The following PPP1R13B variants were observed in gnomAD, a reference collection of about 807,000 sequenced individuals.
PPP1R13B encodes the protein protein phosphatase 1 regulatory subunit 13B.
A neutral mutation model predicts 119.8 loss-of-function variants in PPP1R13B; 44 were observed. The observed-to-expected ratio is 0.37, with a 90% CI of 0.29 to 0.47. The LOEUF (loss-of-function observed/expected upper bound fraction) is 0.47. Ranked by LOEUF, PPP1R13B falls within the 20% of genes least tolerant of loss-of-function variation. The pLI is 0.99. For missense variants in PPP1R13B, 1,227 were observed against 1,413.5 expected (o/e 0.87, Z 2.12); for synonymous variants, 542 against 561.5 (o/e 0.97, Z 0.49).
intron 4 of PPP1R13B, among the ~76,000 whole-genome samples, chr14:103,774,796 C>A (rs998518474): frequency 6.6e-6 from 1 of 152,102 alleles, no homozygotes; most frequent in Non-Finnish European, 1.5e-5. Context: ...TTAAAATGCA[C>A]GTAAAACCGC....
At position 103,734,290 on chromosome 14, in the gene PPP1R13B, TG is replaced by T; in HGVS notation, c.*863del. ...CAGGCACCAAACAGCCCCGTCTACC[TG>T]GCCCTGGTCTGCCCTCACACCAGTC... is the stretch of plus-strand genomic sequence containing the variant. On this transcript the variant is annotated 3_prime_UTR_variant, in exon 17 of 17. Coordinates refer to ENST00000202556, the MANE Select transcript of PPP1R13B (RefSeq NM_015316.3). The T allele has an allele frequency of 3.0e-6, 1 of 334,684 alleles. No individual in the cohort carries two copies. Among genetic ancestry groups the T allele is most frequent in the Non-Finnish European group, 6.0e-6 (1 of 167,158 alleles). 20.7% of individuals were successfully genotyped at this position (334,684 alleles called of 1,614,324 possible).
chr14:103,824,475 C>G (rs892527146), intron 1 of PPP1R13B, among the ~76,000 whole-genome samples: 2 of 151,350 alleles, frequency 1.3e-5, no homozygotes, highest in Non-Finnish European at 2.9e-5. Context: ...GTGGGCGGAT[C>G]ACGAGGTCAG....
At chr14:103,791,124 C>CTT (rs74264751) in intron 2 of PPP1R13B, among the ~76,000 whole-genome samples, 3 of 145,054 alleles carry the variant, frequency 2.1e-5, no homozygotes, top group Admixed American at 1.4e-4. Flanking sequence ...CTTTTTTCTT[C>CTT]TTTTTTTTTT....
intron 2 of PPP1R13B, among the ~76,000 whole-genome samples, chr14:103,789,462 C>CACCT (rs1231084389): frequency 6.6e-6 from 1 of 152,070 alleles, no homozygotes; most frequent in Non-Finnish European, 1.5e-5. Context: ...GTGATCTCCC[C>CACCT]ACCTCAGCCT....
At chr14:103,749,483 C>A (rs936107985) in intron 8 of PPP1R13B, among the ~76,000 whole-genome samples, 1 of 152,082 alleles carries the variant, frequency 6.6e-6, no homozygotes, top group African/African-American at 2.4e-5. Flanking sequence ...GAGTGCGGAC[C>A]GTGACAGATG....
intron 1 of PPP1R13B, among the ~76,000 whole-genome samples, chr14:103,801,208 G>A (rs372759568): frequency 6.6e-6 from 1 of 152,092 alleles, no homozygotes; most frequent in East Asian, 1.9e-4. Flanking sequence ...ATATTTAAGA[G>A]CTCCCCACTG....
chr14:103,826,262 A>G (rs1173946077), intron 1 of PPP1R13B, among the ~76,000 whole-genome samples: 1 of 152,194 alleles, frequency 6.6e-6, no homozygotes, highest in Admixed American at 6.5e-5. Flanking sequence ...GTAGTCTGGA[A>G]CCAAACTCGC....
intron 4 of PPP1R13B, among the ~76,000 whole-genome samples, chr14:103,769,668 T>C (rs1376378898): frequency 1.3e-5 from 2 of 152,242 alleles, no homozygotes; most frequent in Middle Eastern, 3.2e-3. Flanking sequence ...TCACGTAATA[T>C]TCATCAGTAT....
At position 103,733,802 on chromosome 14, in the gene PPP1R13B, T is replaced by A. The variant is rs1876798175; in HGVS notation, c.*1352A>T. The A allele has an allele frequency of 6.6e-6, 1 of 152,336 alleles. No homozygotes were observed. The highest frequency in any genetic ancestry group is 2.4e-5 in the African/African-American group (1 of 41,450). The allele number at this position is 152,336 out of a possible 1,614,324, so 9.4% of individuals were successfully genotyped here. A position where few individuals can be genotyped will look rare whatever the true frequency, so the allele number is the denominator to read the frequency against. On this transcript the variant is annotated 3_prime_UTR_variant, in exon 17 of 17. Transcript: ENST00000202556. ...ACATTTACACAGCGTCAGCAGCGTC[T>A]GGGCTGGCAGCGGCCATGCTCCTGT...
At position 103,797,458 on chromosome 14, in the gene PPP1R13B, G is replaced by T; in HGVS notation, c.70C>A (p.Pro24Thr). ...EQILTEVPIT[P>T]ETTCRDVVEF... Reference sequence around the variant, plus strand: ...ACAACATCTCGACAGGTTGTTTCCGGTGTTATAGGAACTTCTGTTAAAATC... The same window carrying T: ...ACAACATCTCGACAGGTTGTTTCCGTTGTTATAGGAACTTCTGTTAAAATC... The change falls in exon 2 of 17, where the codon CCG becomes ACG. Residue 24 changes from proline to threonine, a missense_variant. Pro to Thr is a conservative substitution (Grantham distance 38). Transcript: ENST00000202556. 2 of 1,613,744 alleles carry T rather than the reference G, an allele frequency of 1.2e-6. No homozygotes were observed. The highest frequency in any genetic ancestry group is 1.7e-6 in the Non-Finnish European group (2 of 1,179,726).
chr14:103,817,658 T>G (rs771677135), intron 1 of PPP1R13B, among the ~76,000 whole-genome samples: 34 of 152,126 alleles, frequency 2.2e-4, no homozygotes, highest in Non-Finnish European at 3.1e-4. Context: ...CTTTTACCAT[T>G]TATTAATAAT....
chr14:103,836,190 C>T lies in PPP1R13B; in HGVS notation c.9+11109G>A, dbSNP rs147459288. ...CCTCCCAAATAGCTGAGATTACAGG[C>T]GCCCGCCACCACACCTGGCTGATTT... On this transcript the variant is annotated intron_variant, in intron 1 of 16. Transcript: ENST00000202556. Among the ~76,000 whole-genome samples, 1,093 of 151,896 alleles carry T rather than the reference C, an allele frequency of 7.2e-3. 16 individuals are homozygous for T. Among genetic ancestry groups the T allele is most frequent in the African/African-American group, 0.024 (1,006 of 41,428 alleles).
At position 103,734,380 on chromosome 14, in the gene PPP1R13B, G is replaced by A; in HGVS notation, c.*774C>T. 3 of 389,828 alleles carry A rather than the reference G, an allele frequency of 7.7e-6. No homozygotes were observed. In the Admixed American group the frequency reaches 8.3e-5, roughly 11 times the overall value. The allele number at this position is 389,828 out of a possible 1,614,324, so 24.1% of individuals were successfully genotyped here. A position where few individuals can be genotyped will look rare whatever the true frequency, so the allele number is the denominator to read the frequency against. The stretch of plus-strand genomic sequence containing the variant: ...GGCCTCCAGCACCTGACTCCATTCA[G>A]GGAACTGAATTTGAGCTTGCAGGGG... On this transcript the variant is annotated 3_prime_UTR_variant, in exon 17 of 17. Coordinates refer to ENST00000202556, the MANE Select transcript of PPP1R13B (RefSeq NM_015316.3).
At chr14:103,755,244 C>T (rs1409155007) in intron 5 of PPP1R13B, among the ~76,000 whole-genome samples, 1 of 152,186 alleles carries the variant, frequency 6.6e-6, no homozygotes, top group East Asian at 1.9e-4. Context: ...ACATTTCCTG[C>T]TGCTACAAAG....
intron 4 of PPP1R13B, among the ~76,000 whole-genome samples, chr14:103,771,602 C>G (rs912383258): frequency 6.6e-6 from 1 of 151,530 alleles, no homozygotes; most frequent in Non-Finnish European, 1.5e-5. Flanking sequence ...TGCCTCATCC[C>G]CCTGAGTAGT....
chr14:103,838,328 T>C (rs1168449842), intron 1 of PPP1R13B, among the ~76,000 whole-genome samples: 1 of 152,110 alleles, frequency 6.6e-6, no homozygotes, highest in East Asian at 1.9e-4. Flanking sequence ...GCACCAACTA[T>C]GTGTCAATCA....
At chr14:103,819,226 T>C (rs904009562) in intron 1 of PPP1R13B, among the ~76,000 whole-genome samples, 10 of 152,058 alleles carry the variant, frequency 6.6e-5, no homozygotes, top group African/African-American at 2.4e-4. Flanking sequence ...CTCAGAAGGA[T>C]ATTAGCAGCC....
At chr14:103,752,748 T>A (rs1369818627) in intron 7 of PPP1R13B, among the ~76,000 whole-genome samples, 2 of 152,166 alleles carry the variant, frequency 1.3e-5, no homozygotes, top group Non-Finnish European at 2.9e-5. Flanking sequence ...TTGGCCAGGC[T>A]GGTCTCAAAC....
intron 1 of PPP1R13B, among the ~76,000 whole-genome samples, chr14:103,808,856 C>T (rs993331714): frequency 1.3e-5 from 2 of 151,856 alleles, no homozygotes; most frequent in African/African-American, 4.8e-5. Flanking sequence ...GACAGCTATA[C>T]ACCCATTTTT....
Sources: allele counts gnomAD v4.1 joint callset (sites outside exome capture counted in the v4.1 genomes callset), GRCh38; gene constraint gnomAD v4.1.1; transcripts MANE v1.5; gene names NCBI Gene and HGNC (gene_info 2026-07-23, HGNC 2026-07-21).